Variants in CELF4 observed in about 807,000 individuals in gnomAD.
The protein encoded by CELF4 is CUGBP Elav-like family member 4.
A neutral mutation model predicts 59.9 loss-of-function variants in CELF4; 18 were observed. The ratio of observed to expected loss-of-function variants is 0.30; its 90% CI spans 0.21 to 0.45. The LOEUF (loss-of-function observed/expected upper bound fraction) is 0.45. CELF4 is among the 20% of genes least tolerant of loss of function. The pLI, the probability that CELF4 is intolerant of heterozygous loss-of-function variation, is 1.00. For missense variants in CELF4, 456 were observed against 689.0 expected (o/e 0.66, Z 3.79); for synonymous variants, 261 against 267.1 (o/e 0.98, Z 0.22).
chr18:37,343,227 A>G (rs139302242), intron 2 of CELF4, among the ~76,000 whole-genome samples: 10 of 152,228 alleles, frequency 6.6e-5, no homozygotes, highest in Non-Finnish European at 1.2e-4. Context: ...AGAAGTGTGC[A>G]TGGGAATGAC....
At chr18:37,271,040 A>C (rs778351407) in intron 7 of CELF4, 123 bp from the exon 8 acceptor site, 2 of 776,876 alleles carry the variant, frequency 2.6e-6, no homozygotes, top group South Asian at 3.8e-5. Context: ...CTTGGACCTC[A>C]CATACCAGTT....
rs8092976 is a variant in CELF4, at chr18:37,508,756, C to T, written c.287-23149G>A. Among the ~76,000 whole-genome samples, 1,313 of 152,296 alleles carry T rather than the reference C, an allele frequency of 8.6e-3. 17 individuals carry two copies. Among genetic ancestry groups the T allele is most frequent in the African/African-American group, 0.03 (1,236 of 41,550 alleles). On this transcript the variant is annotated intron_variant, in intron 1 of 12. Transcript: ENST00000420428. ...GCCATTGGTTGGTCTCCTTAGCTAA[C>T]CATTCCTTTCTAGCTGGGGAAGCAG...
At chr18:37,457,651 A>G (rs2099782012) in intron 2 of CELF4, among the ~76,000 whole-genome samples, 1 of 152,010 alleles carries the variant, frequency 6.6e-6, no homozygotes, top group Non-Finnish European at 1.5e-5. Flanking sequence ...AAGACCTTAC[A>G]TCCCGCAGCC....
intron 2 of CELF4, among the ~76,000 whole-genome samples, chr18:37,406,014 C>G (rs1192316018): frequency 6.6e-6 from 1 of 152,222 alleles, no homozygotes; most frequent in African/African-American, 2.4e-5. Context: ...CTCTCTTTCT[C>G]TCTCTCTTTT....
chr18:37,522,738 C>T (rs1395168281), intron 1 of CELF4, among the ~76,000 whole-genome samples: 1 of 152,172 alleles, frequency 6.6e-6, no homozygotes, highest in Non-Finnish European at 1.5e-5. Context: ...GCTGGAGGCC[C>T]TGGGCCACAG....
intron 3 of CELF4, among the ~76,000 whole-genome samples, chr18:37,307,624 G>C (rs2096482457): frequency 6.6e-6 from 1 of 152,104 alleles, no homozygotes; most frequent in Non-Finnish European, 1.5e-5. Context: ...GACGACAGAG[G>C]GGGCTGCTTT....
At chr18:37,356,519 C>CAGAGGTGCTGGGGAGGTT (rs1306487810) in intron 2 of CELF4, among the ~76,000 whole-genome samples, 17 of 148,232 alleles carry the variant, frequency 1.1e-4, no homozygotes, top group African/African-American at 4.2e-4. Flanking sequence ...CTGGGAAGGC[C>CAGAGGTGCTGGGGAGGTT]AGAGGTGCTG....
intron 2 of CELF4, among the ~76,000 whole-genome samples, chr18:37,381,110 TCATCCATCCATCCATC>T (rs373054331): frequency 2.5e-4 from 33 of 134,648 alleles, no homozygotes; most frequent in South Asian, 7.6e-4. Context: ...CCATCCACCA[TCATCCATCCATCCATC>T]CATCCATCCA....
chr18:37,507,899 A>G (rs1360143433), intron 1 of CELF4, among the ~76,000 whole-genome samples: 2 of 152,060 alleles, frequency 1.3e-5, no homozygotes, highest in African/African-American at 2.4e-5. Context: ...GCTGGTGATC[A>G]GCACCCCCGA....
intron 2 of CELF4, among the ~76,000 whole-genome samples, chr18:37,450,917 T>C (rs2099761760): frequency 6.6e-6 from 1 of 152,192 alleles, no homozygotes; most frequent in Non-Finnish European, 1.5e-5. Flanking sequence ...CTCAGAAGGC[T>C]GTGCTCTGGG....
At chr18:37,400,391 C>T (rs574761539) in intron 2 of CELF4, among the ~76,000 whole-genome samples, 2 of 152,196 alleles carry the variant, frequency 1.3e-5, no homozygotes, top group Non-Finnish European at 2.9e-5. Flanking sequence ...CATGTGCACA[C>T]ACACGTGTAT....
At chr18:37,271,055 C>G (rs1280400032) in intron 7 of CELF4, 138 bp from the exon 8 acceptor site, 1 of 682,394 alleles carries the variant, frequency 1.5e-6, no homozygotes, top group Non-Finnish European at 2.4e-6. Context: ...CCAGTTCAAT[C>G]TTATCTATGA....
chr18:37,551,318 G>C (rs2099983109), intron 1 of CELF4, among the ~76,000 whole-genome samples: 1 of 152,214 alleles, frequency 6.6e-6, no homozygotes, highest in African/African-American at 2.4e-5. Flanking sequence ...CCTCAGCCAT[G>C]ACTGCCCCCC....
In CELF4 at chr18:37,527,273, C is replaced by T. The variant is rs146426400; in HGVS notation, c.286+38083G>A. ...TAGAACTGACCTGAGAAGTGCTGGC[C>T]GTGAGTTTGGATCCAGCACTAGAGA... On this transcript the variant is annotated intron_variant, in intron 1 of 12. Transcript: ENST00000420428. Among the ~76,000 whole-genome samples, 105 of 151,820 alleles carry T rather than the reference C, an allele frequency of 6.9e-4. 1 individual carries two copies. Among genetic ancestry groups the T allele is most frequent in the African/African-American group, 2.4e-3 (99 of 41,408 alleles).
chr18:37,431,362 CTTTTTT>C (rs35971960), intron 2 of CELF4, among the ~76,000 whole-genome samples: 9 of 81,560 alleles, frequency 1.1e-4, no homozygotes, highest in Admixed American at 6.1e-4. Context: ...CCTTTCTTTC[CTTTTTT>C]TTTTTTTTTT....
intron 1 of CELF4, among the ~76,000 whole-genome samples, chr18:37,490,085 G>A (rs1268028230): frequency 3.3e-5 from 5 of 152,184 alleles, no homozygotes; most frequent in African/African-American, 1.2e-4. Context: ...TTAAAAAGAT[G>A]AAAAGACCCT....
At chr18:37,249,173 C>T (rs1446411055) in intron 12 of CELF4, among the ~76,000 whole-genome samples, 1 of 152,136 alleles carries the variant, frequency 6.6e-6, no homozygotes, top group Non-Finnish European at 1.5e-5. Context: ...CCCATGCCCA[C>T]CAAGTCCTGA....
intron 1 of CELF4, among the ~76,000 whole-genome samples, chr18:37,564,754 C>A (rs970129753): frequency 6.6e-6 from 1 of 151,844 alleles, no homozygotes; most frequent in African/African-American, 2.4e-5. Context: ...CCACCCCCAA[C>A]ACACACCACC....
At chr18:37,363,998 A>G (rs1367157483) in intron 2 of CELF4, among the ~76,000 whole-genome samples, 1 of 152,066 alleles carries the variant, frequency 6.6e-6, no homozygotes, top group Non-Finnish European at 1.5e-5. Flanking sequence ...TGCTTCTAAG[A>G]CCCAGGGGCC....
Sources: allele counts gnomAD v4.1 joint callset (sites outside exome capture counted in the v4.1 genomes callset), GRCh38; gene constraint gnomAD v4.1.1; transcripts MANE v1.5; gene names NCBI Gene and HGNC (gene_info 2026-07-23, HGNC 2026-07-21).